KCP: variants seen among roughly 807,000 people sequenced by gnomAD.
KCP encodes the protein kielin cysteine rich BMP regulator, also known as kielin/chordin-like protein.
A neutral mutation model predicts 212.7 loss-of-function variants in KCP; 194 were observed. The ratio of observed to expected loss-of-function variants is 0.91; its 90% CI spans 0.81 to 1.03. The LOEUF (loss-of-function observed/expected upper bound fraction) is 1.03. Among genes scored for constraint, KCP ranks in the 50% least tolerant of loss-of-function variants. The pLI, the probability that KCP is intolerant of heterozygous loss-of-function variation, is 0.00. For missense variants in KCP, 2,080 were observed against 2,162.5 expected (o/e 0.96, Z 0.76); for synonymous variants, 833 against 865.3 (o/e 0.96, Z 0.65).
chr7:128,903,215 G>A (rs935236837), intron 7 of KCP: 2 of 321,606 alleles, frequency 6.2e-6, no homozygotes, highest in African/African-American at 2.2e-5. Flanking sequence ...TTCCTAGAAG[G>A]CTCACTGCCT....
In KCP at chr7:128,891,822, G is replaced by A; in HGVS notation, c.1622-3C>T. On this transcript the variant is annotated splice_region_variant and splice_polypyrimidine_tract_variant and intron_variant, in intron 16 of 39. Transcript: ENST00000610776. ...CACCTCTTCCTCCAGGATGCAGTCT[G>A]GGCAGTGGATGGTGGGGGCAGGTAT... The A allele has an allele frequency of 6.9e-7, 1 of 1,443,872 alleles. No individual in the cohort carries two copies. The highest frequency in any genetic ancestry group is 9.1e-7 in the Non-Finnish European group (1 of 1,096,170). The allele number at this position is 1,443,872 out of a possible 1,614,324, so 89.4% of individuals were successfully genotyped here.
chr7:128,897,731 T>A (rs1794612151), intron 8 of KCP, among the ~76,000 whole-genome samples: 1 of 152,256 alleles, frequency 6.6e-6, no homozygotes, highest in Admixed American at 6.5e-5. Flanking sequence ...TTGAAAATTA[T>A]CCAATTTATT....
At chr7:128,884,922 A>T in intron 27 of KCP, 59 bp from the exon 28 acceptor site, 1 of 1,516,290 alleles carries the variant, frequency 6.6e-7, no homozygotes, top group Non-Finnish European at 9.0e-7. Context: ...GCAGCGAGGC[A>T]GGGGTGGAGT....
chr7:128,898,680 G>A (rs922191572), intron 8 of KCP, among the ~76,000 whole-genome samples: 2 of 152,186 alleles, frequency 1.3e-5, no homozygotes, highest in Non-Finnish European at 2.9e-5. Context: ...ATGGGAATGT[G>A]GGTTTCTAGC....
chr7:128,902,223 A>G (rs1794891230), intron 8 of KCP, among the ~76,000 whole-genome samples: 1 of 152,262 alleles, frequency 6.6e-6, no homozygotes, highest in Non-Finnish European at 1.5e-5. Flanking sequence ...AAAACAAAAC[A>G]GATGAAATTA....
At position 128,886,495 on chromosome 7, in the gene KCP, G is replaced by T; in HGVS notation, c.2835C>A (p.Thr945=). The T allele has an allele frequency of 6.5e-7, 1 of 1,550,370 alleles. No homozygotes were observed. The highest frequency in any genetic ancestry group is 8.7e-7 in the Non-Finnish European group (1 of 1,146,394). Residue 945 remains threonine (T), a synonymous_variant, in exon 26 of 40, where the codon ACC becomes ACA. Coordinates refer to ENST00000610776, the MANE Select transcript of KCP (RefSeq NM_001366122.1). ...CPPLPCKLQV[T]ERGSCCPRCR... is the part of the protein sequence containing the mutation. ...AGCGAGGGCAGCAGCTCCCCCGCTC[G>T]GTGACCTGGAGCTTGCAGGGAAGGG...
intron 5 of KCP, 157 bp from the exon 6 acceptor site, chr7:128,904,295 A>T: frequency 2.6e-6 from 4 of 1,552,702 alleles, no homozygotes; most frequent in Non-Finnish European, 3.5e-6. Context: ...GGGCCGGCAG[A>T]TGGGGCAGCA....
At chr7:128,904,942 A>G (rs1795049033) in intron 5 of KCP, among the ~76,000 whole-genome samples, 1 of 152,056 alleles carries the variant, frequency 6.6e-6, no homozygotes, top group Non-Finnish European at 1.5e-5. Flanking sequence ...CAAAGACATC[A>G]TATAGGCTAG....
At chr7:128,904,998 TG>T (rs79693027) in intron 5 of KCP, among the ~76,000 whole-genome samples, 5 of 151,916 alleles carry the variant, frequency 3.3e-5, no homozygotes, top group Admixed American at 6.5e-5. Flanking sequence ...TGTGTGTGTG[TG>T]TTGGGGGAGC....
rs571791700 is a variant in KCP at position 128,881,924 on chromosome 7, C to T, written c.3324+13G>A. The T allele has an allele frequency of 6.4e-7, 1 of 1,550,732 alleles. No individual in the cohort carries two copies. The highest frequency in any genetic ancestry group is 8.7e-7 in the Non-Finnish European group (1 of 1,146,610). ...AGAGGGGCTCTGTGAGTCCCCAAGGCAGGAGGGCTCACCTGGCACTGGCAC... is the reference window on the plus strand; with the variant it reads ...AGAGGGGCTCTGTGAGTCCCCAAGGTAGGAGGGCTCACCTGGCACTGGCAC... On this transcript the variant is annotated intron_variant, in intron 30 of 39. Coordinates refer to ENST00000610776, the MANE Select transcript of KCP (RefSeq NM_001366122.1).
Position 128,878,672 on chromosome 7 carries a change from G to A in KCP, c.4197C>T (p.Tyr1399=), listed in dbSNP as rs1216418742. 1.9e-6 allele frequency: 3 copies of A among 1,551,010 alleles called. No individual in the cohort carries two copies. The highest frequency in any genetic ancestry group is 2.7e-5 in the African/African-American group (2 of 73,058). ...SQVEVSVPGS[Y]QGRTCGLCGN... The stretch of plus-strand genomic sequence containing the variant: ...CACAGAGCCCACAAGTCCGGCCCTG[G>A]TAGGAGCCAGGTACGCTCACCTCCA... Residue 1399 remains tyrosine (Y), a synonymous_variant, in exon 38 of 40, where the codon TAC becomes TAT. Coordinates refer to ENST00000610776, the MANE Select transcript of KCP (RefSeq NM_001366122.1).
intron 38 of KCP, 87 bp from the exon 39 acceptor site, chr7:128,877,877 T>G: frequency 1.6e-6 from 2 of 1,231,172 alleles, no homozygotes; most frequent in Non-Finnish European, 2.2e-6. Context: ...TCCCACCCAG[T>G]CATTTGCTTT....
At chr7:128,889,456 G>A (rs1793949104) in intron 21 of KCP, among the ~76,000 whole-genome samples, 1 of 152,226 alleles carries the variant, frequency 6.6e-6, no homozygotes, top group African/African-American at 2.4e-5. Flanking sequence ...AATCCAGGAA[G>A]GGGTGGGGTC....
chr7:128,879,349 G>T (rs1793176853), intron 37 of KCP, 173 bp downstream of exon 37: 1 of 602,098 alleles, frequency 1.7e-6, no homozygotes, highest in African/African-American at 1.9e-5. Context: ...TCCTCTGACT[G>T]CCTGGGGAGA....
chr7:128,897,541 T>C (rs1381357819), intron 8 of KCP, among the ~76,000 whole-genome samples: 1 of 152,232 alleles, frequency 6.6e-6, no homozygotes, highest in Non-Finnish European at 1.5e-5. Flanking sequence ...GTCAGAAAAG[T>C]AAAAAGTCTA....
intron 4 of KCP, 95 bp from the exon 5 acceptor site, chr7:128,906,458 T>C (rs897460065): frequency 1.1e-5 from 10 of 883,038 alleles, no homozygotes; most frequent in South Asian, 5.7e-5. Context: ...GGACATGTCA[T>C]AGGGGCAAGA....
In KCP at chr7:128,891,785, G is replaced by C; in HGVS notation, c.1656C>G (p.Gly552=). 1 of 1,450,176 alleles carries C rather than the reference G, an allele frequency of 6.9e-7. No individual in the cohort carries two copies. The highest frequency in any genetic ancestry group is 9.1e-7 in the Non-Finnish European group (1 of 1,099,370). 89.8% of individuals were successfully genotyped at this position (1,450,176 alleles called of 1,614,324 possible). A position where few individuals can be genotyped will look rare whatever the true frequency, so the allele number is the denominator to read the frequency against. The change falls in exon 17 of 40, where the codon GGC becomes GGG. Residue 552 remains glycine (G), a synonymous_variant. Coordinates refer to ENST00000610776, the MANE Select transcript of KCP (RefSeq NM_001366122.1). ...CILEEEVFVD[G]ESFSHPRDPC... ...GGTCTCGGGGGTGGGAGAAGCTCTC[G>C]CCGTCCACAAACACCTCTTCCTCCA...
At chr7:128,886,063 G>C (rs1793627524) in intron 26 of KCP, among the ~76,000 whole-genome samples, 1 of 152,132 alleles carries the variant, frequency 6.6e-6, no homozygotes, top group Admixed American at 6.6e-5. Context: ...GTTAGGAAGA[G>C]GGGCAGCTTT....
chr7:128,908,609 G>T (rs905986363), intron 1 of KCP, 41 bp from the exon 2 acceptor site: 3 of 1,530,210 alleles, frequency 2.0e-6, no homozygotes, highest in Non-Finnish European at 1.8e-6. Flanking sequence ...GAGGGTGAGG[G>T]GCTGGCCTGG....
Sources: gnomAD v4.1 joint callset for allele counts (sites outside exome capture counted in the v4.1 genomes callset) on GRCh38, gnomAD v4.1.1 for gene constraint, MANE v1.5 for transcripts, NCBI Gene and HGNC (gene_info 2026-07-23, HGNC 2026-07-21) for gene names.